RYR3: variants seen among roughly 807,000 people sequenced by gnomAD.
RYR3 encodes ryanodine receptor 3.
Under a neutral mutation model 584.3 loss-of-function variants are expected in RYR3, and 207 were observed. The ratio of observed to expected loss-of-function variants is 0.35; its 90% CI spans 0.32 to 0.40. The LOEUF (loss-of-function observed/expected upper bound fraction) is 0.40. Among genes scored for constraint, RYR3 ranks in the 10% least tolerant of loss-of-function variants. The pLI is 1.00. For synonymous variants in RYR3, 2,416 were observed against 2,248.5 expected, an observed-to-expected ratio of 1.07 and a Z score of -2.11; for missense variants, 5,616 against 6,089.2, an observed-to-expected ratio of 0.92 and a Z score of 2.59.
At chr15:33,540,999 A>T (rs1449536661) in intron 7 of RYR3, 109 bp downstream of exon 7, 3 of 668,918 alleles carry the variant, frequency 4.5e-6, no homozygotes, top group Admixed American at 2.3e-5. Context: ...CTTGGTACAC[A>T]GGTAGCCTGA....
intron 43 of RYR3, among the ~76,000 whole-genome samples, chr15:33,713,815 A>G (rs1290047924): frequency 6.6e-6 from 1 of 152,156 alleles, no homozygotes; most frequent in East Asian, 1.9e-4. Flanking sequence ...TTGTTCTCAC[A>G]TGGTGGAAGA....
rs1567047498 is a variant in RYR3 at position 33,336,512 on chromosome 15, AGGAGG to A, written c.51+25418_51+25422del. On this transcript the variant is annotated intron_variant, in intron 1 of 103. Coordinates refer to ENST00000634891, the MANE Select transcript of RYR3 (RefSeq NM_001036.6). ...AAAGAAAGAAAGAAAGAAGGAGGGA[AGGAGG>A]GAAGGAGGGAAGGAGGGAAGGAGGG... is the stretch of plus-strand genomic sequence containing the variant. Among the ~76,000 whole-genome samples the A allele has an allele frequency of 7.5e-4, 47 of 62,724 alleles. 10 individuals carry two copies. Among genetic ancestry groups the A allele is most frequent in the Middle Eastern group, 7.0e-3 (1 of 142 alleles). 41.1% of individuals were successfully genotyped at this position (62,724 alleles called of 152,430 possible).
chr15:33,391,309 A>ACT, intron 1 of RYR3, among the ~76,000 whole-genome samples: 1 of 152,196 alleles, frequency 6.6e-6, no homozygotes, highest in Non-Finnish European at 1.5e-5. Flanking sequence ...GCAAGATTGC[A>ACT]TGTTTTTAAA....
intron 27 of RYR3, among the ~76,000 whole-genome samples, chr15:33,637,802 CT>C (rs879423671): frequency 1.2e-4 from 18 of 151,480 alleles, no homozygotes; most frequent in African/African-American, 4.1e-4. Flanking sequence ...CAAGGTGTTT[CT>C]TTTTTTTTAT....
At chr15:33,342,414 T>C (rs1014552750) in intron 1 of RYR3, among the ~76,000 whole-genome samples, 4 of 152,222 alleles carry the variant, frequency 2.6e-5, no homozygotes, top group African/African-American at 9.6e-5. Flanking sequence ...GGATTTAGCA[T>C]TATGTTAGTT....
intron 38 of RYR3, among the ~76,000 whole-genome samples, chr15:33,695,900 C>T (rs2065818171): frequency 6.6e-6 from 1 of 151,222 alleles, no homozygotes; most frequent in Admixed American, 6.6e-5. Flanking sequence ...GTCCTCCCAC[C>T]TCAGCCTCCC....
At chr15:33,339,744 T>A (rs1017704418) in intron 1 of RYR3, among the ~76,000 whole-genome samples, 1 of 151,886 alleles carries the variant, frequency 6.6e-6, no homozygotes. Context: ...AAAAAATTAG[T>A]CGGGTGTAGT....
intron 1 of RYR3, among the ~76,000 whole-genome samples, chr15:33,405,537 T>G (rs2042962518): frequency 6.6e-6 from 1 of 152,230 alleles, no homozygotes; most frequent in Admixed American, 6.5e-5. Context: ...TTAACCCACA[T>G]GTAGTATCGT....
intron 17 of RYR3, among the ~76,000 whole-genome samples, chr15:33,602,307 A>G (rs1363519315): frequency 3.3e-5 from 5 of 152,218 alleles, no homozygotes; most frequent in Non-Finnish European, 5.9e-5. Flanking sequence ...CTCTAAAAGT[A>G]TGATTCCTAA....
At chr15:33,848,113 G>A (rs1297925988) in intron 93 of RYR3, among the ~76,000 whole-genome samples, 178 bp from the exon 94 acceptor site, 3 of 152,202 alleles carry the variant, frequency 2.0e-5, no homozygotes, top group African/African-American at 7.2e-5. Context: ...AAAGAGGTAG[G>A]TAGGTATTTA....
rs144592870 is a variant in RYR3 at position 33,675,925 on chromosome 15, C to A, written c.5860+5369C>A. On this transcript the variant is annotated intron_variant, in intron 38 of 103. Coordinates refer to ENST00000634891, the MANE Select transcript of RYR3 (RefSeq NM_001036.6). Reference sequence around the variant, plus strand: ...TCCATTAGGATTTCATCGCAGTGCTCTGGGTGAGAGGTTCTGAGGACTTGA... The same window carrying A: ...TCCATTAGGATTTCATCGCAGTGCTATGGGTGAGAGGTTCTGAGGACTTGA... 1.0e-3 allele frequency among the ~76,000 whole-genome samples: 153 copies of A among 152,140 alleles called. 1 individual carries two copies. The South Asian group carries it at 0.012, about 12-fold the overall frequency.
chr15:33,811,510 CAAAAA>C (rs34105459), intron 72 of RYR3, among the ~76,000 whole-genome samples: 1 of 140,812 alleles, frequency 7.1e-6, no homozygotes, highest in Admixed American at 6.9e-5. Context: ...GACTCCGTCT[CAAAAA>C]AAAAAAAAAG....
rs559246625 is a variant in RYR3, at chr15:33,441,369, T to C, written c.52-32050T>C. On this transcript the variant is annotated intron_variant, in intron 1 of 103. Coordinates refer to ENST00000634891, the MANE Select transcript of RYR3 (RefSeq NM_001036.6). ...ATGGGTGCTTTTTAGTCAATGCCTGTATAGCACATATAATTTTCCAGGAAT... is the reference window on the plus strand; with the variant it reads ...ATGGGTGCTTTTTAGTCAATGCCTGCATAGCACATATAATTTTCCAGGAAT... Among the ~76,000 whole-genome samples, 15 of 152,352 alleles carry C rather than the reference T, an allele frequency of 9.8e-5. No homozygotes were observed. In the East Asian group the frequency reaches 2.9e-3, roughly 29 times the overall value.
intron 94 of RYR3, 64 bp from the exon 95 acceptor site, chr15:33,852,981 T>C: frequency 1.4e-6 from 2 of 1,413,682 alleles, no homozygotes; most frequent in Non-Finnish European, 2.0e-6. Flanking sequence ...AACTGAAACG[T>C]TTCTTGATGT....
chr15:33,669,855 G>GTT (rs1351688568), intron 37 of RYR3, among the ~76,000 whole-genome samples: 2 of 51,668 alleles, frequency 3.9e-5, no homozygotes, highest in East Asian at 6.8e-4. Flanking sequence ...GGGGGGGGGG[G>GTT]GGGTGTGGGT....
chr15:33,848,126 CAA>C (rs2078842307), intron 93 of RYR3, among the ~76,000 whole-genome samples, 163 bp from the exon 94 acceptor site: 1 of 152,156 alleles, frequency 6.6e-6, no homozygotes, highest in African/African-American at 2.4e-5. Context: ...GGTATTTAGC[CAA>C]AGAGATTCAT....
chr15:33,679,177 T>A (rs2064405560), intron 38 of RYR3, among the ~76,000 whole-genome samples: 1 of 125,554 alleles, frequency 8.0e-6, no homozygotes, highest in Non-Finnish European at 1.7e-5. Context: ...CTGTAAATCT[T>A]CCCTACTAAA....
chr15:33,651,734 C>T (rs902550478), intron 31 of RYR3, among the ~76,000 whole-genome samples: 3 of 152,188 alleles, frequency 2.0e-5, no homozygotes, highest in African/African-American at 7.2e-5. Flanking sequence ...CAAGCTGAGT[C>T]ACATCAGACT....
intron 18 of RYR3, among the ~76,000 whole-genome samples, chr15:33,609,372 C>G (rs996159533): frequency 6.6e-6 from 1 of 152,102 alleles, no homozygotes; most frequent in Non-Finnish European, 1.5e-5. Flanking sequence ...AGTTCAAGAC[C>G]AGCCTAGCCA....
Sources: gnomAD v4.1 joint callset for allele counts (sites outside exome capture counted in the v4.1 genomes callset) on GRCh38, gnomAD v4.1.1 for gene constraint, MANE v1.5 for transcripts, NCBI Gene and HGNC (gene_info 2026-07-23, HGNC 2026-07-21) for gene names.